SDC3: variants seen among roughly 807,000 people sequenced by gnomAD.
The protein encoded by SDC3 is syndecan-3.
A neutral mutation model predicts 24.4 loss-of-function variants in SDC3; 13 were observed. The observed-to-expected ratio is 0.53, with a 90% CI of 0.35 to 0.85. The LOEUF is 0.85. Ranked by LOEUF, SDC3 falls within the 40% of genes least tolerant of loss-of-function variation. SDC3 has a pLI of 0.01. For missense variants in SDC3, 571 were observed against 584.5 expected (o/e 0.98, Z 0.24); for synonymous variants, 295 against 260.9 (o/e 1.13, Z -1.26).
At chr1:30,891,469 C>A (rs902081042) in intron 1 of SDC3, among the ~76,000 whole-genome samples, 1 of 152,202 alleles carries the variant, frequency 6.6e-6, no homozygotes, top group African/African-American at 2.4e-5. Context: ...TGCTCGGTAG[C>A]CCCGTCTCTC....
In SDC3 at chr1:30,878,364, A is replaced by G. The variant is rs1000512180; in HGVS notation, c.256+259T>C. 1.2e-5 allele frequency: 5 copies of G among 406,638 alleles called. No homozygotes were observed. The South Asian group carries it at 2.0e-4, about 16-fold the overall frequency. The allele number at this position is 406,638 out of a possible 1,614,324, so 25.2% of individuals were successfully genotyped here. On this transcript the variant is annotated intron_variant, in intron 2 of 4. Transcript: ENST00000339394. ...GCAAGGTCTGCAGAGAAAGCCACAT[A>G]GCACACACAAAGATGCAGACGTGGG...
At chr1:30,907,447 G>A (rs561211146) in intron 1 of SDC3, among the ~76,000 whole-genome samples, 2 of 152,212 alleles carry the variant, frequency 1.3e-5, no homozygotes, top group South Asian at 2.1e-4. Context: ...AGGGGTCCTC[G>A]TCCTATGTCC....
At chr1:30,876,475 T>C in intron 3 of SDC3, 77 bp downstream of exon 3, 5 of 1,325,442 alleles carry the variant, frequency 3.8e-6, no homozygotes, top group Non-Finnish European at 5.1e-6. Flanking sequence ...CTCAGTCCTG[T>C]CCAGCCCCAT....
intron 1 of SDC3, among the ~76,000 whole-genome samples, chr1:30,883,774 GC>G (rs923831849): frequency 7.9e-5 from 12 of 152,082 alleles, no homozygotes; most frequent in African/African-American, 2.4e-4. Context: ...AAAGGAGGGG[GC>G]GGGGTTAGTC....
intron 1 of SDC3, among the ~76,000 whole-genome samples, chr1:30,908,175 G>A (rs1335635989): frequency 2.0e-5 from 3 of 151,710 alleles, no homozygotes; most frequent in Non-Finnish European, 4.4e-5. Flanking sequence ...GGTCCCAAAA[G>A]GAAGGAGAGA....
intron 1 of SDC3, among the ~76,000 whole-genome samples, chr1:30,888,231 C>T (rs1639859033): frequency 6.6e-6 from 1 of 152,176 alleles, no homozygotes; most frequent in African/African-American, 2.4e-5. Context: ...GCCGGAGAGT[C>T]AGGATGGGAT....
intron 1 of SDC3, among the ~76,000 whole-genome samples, chr1:30,888,649 G>GC (rs562388069): frequency 1.3e-3 from 204 of 152,328 alleles, no homozygotes; most frequent in African/African-American, 4.8e-3. Context: ...TCCTGAGGAG[G>GC]CGGGCTGTGG....
chr1:30,877,006 G>T lies in SDC3; in HGVS notation c.416C>A (p.Ala139Asp). The change falls in exon 3 of 5, where the codon GCC (alanine) becomes GAC (aspartate). Residue 139 changes from alanine (A) to aspartate (D), a missense_variant. Physicochemically the swap from Ala to Asp is moderately radical, Grantham distance 126. Around this residue, in one of 2 missense-constraint regions of SDC3, gnomAD observed 497 missense variants for 471.6 expected, o/e 1.05. Transcript: ENST00000339394. The stretch of plus-strand genomic sequence containing the variant: ...TTCTGTCACCACCAGGGGGCTGGTG[G>T]CTGGCTCCAGGGTGGGGCGCTCAGA... ...LPSERPTLEPATSPLVVTEVP... is the reference protein window; with the variant it reads ...LPSERPTLEPDTSPLVVTEVP... 1 of 1,613,730 alleles carries T rather than the reference G, an allele frequency of 6.2e-7. No individual in the cohort carries two copies. The highest frequency in any genetic ancestry group is 8.5e-7 in the Non-Finnish European group (1 of 1,179,900).
chr1:30,905,937 A>G (rs1249089104), intron 1 of SDC3, among the ~76,000 whole-genome samples: 1 of 146,206 alleles, frequency 6.8e-6, no homozygotes, highest in African/African-American at 2.5e-5. Context: ...TCTCCCTGCT[A>G]TCCCCATGCT....
In SDC3 at chr1:30,870,690, A is replaced by T. The variant is rs1414658388; in HGVS notation, c.*2521T>A. ...GCTAAGGACACAGAGAAGAGAAGCC[A>T]GTGCCTGGAGCCCAAGCCCCAAATC... On this transcript the variant is annotated 3_prime_UTR_variant, in exon 5 of 5. Coordinates refer to ENST00000339394, the MANE Select transcript of SDC3 (RefSeq NM_014654.4). The T allele has an allele frequency of 6.6e-6, 1 of 152,410 alleles. No individual in the cohort carries two copies. Among genetic ancestry groups the T allele is most frequent in the Non-Finnish European group, 1.5e-5 (1 of 68,190 alleles). The allele number at this position is 152,410 out of a possible 1,614,324, so 9.4% of individuals were successfully genotyped here. A position where few individuals can be genotyped will look rare whatever the true frequency, so the allele number is the denominator to read the frequency against.
At chr1:30,894,624 G>A (rs533942331) in intron 1 of SDC3, among the ~76,000 whole-genome samples, 1 of 39,556 alleles carries the variant, frequency 2.5e-5, no homozygotes, top group Non-Finnish European at 6.3e-5. Context: ...TGTGAGTGTG[G>A]GTGAGAGTGT....
chr1:30,909,540 T>C (rs1159295031), upstream of SDC3, among the ~76,000 whole-genome samples: 1 of 152,168 alleles, frequency 6.6e-6, no homozygotes, highest in Non-Finnish European at 1.5e-5. Flanking sequence ...GCTGGTGGTC[T>C]TTCTACCCTG....
intron 1 of SDC3, among the ~76,000 whole-genome samples, chr1:30,893,980 C>G (rs1639946559): frequency 6.6e-6 from 1 of 152,138 alleles, no homozygotes; most frequent in Non-Finnish European, 1.5e-5. Context: ...CCTCCACACA[C>G]ACACCACACA....
intron 1 of SDC3, among the ~76,000 whole-genome samples, chr1:30,900,022 T>C (rs544773525): frequency 6.6e-6 from 1 of 152,362 alleles, no homozygotes; most frequent in South Asian, 2.1e-4. Context: ...GAGTTTCTTA[T>C]GTCTTCCTTT....
intron 1 of SDC3, among the ~76,000 whole-genome samples, chr1:30,904,517 T>C (rs770647804): frequency 1.1e-4 from 16 of 152,012 alleles, no homozygotes; most frequent in Non-Finnish European, 2.2e-4. Context: ...CACTTTTTTT[T>C]CCAGCACAGC....
chr1:30,908,745 A>C lies in SDC3; in HGVS notation c.-159T>G, dbSNP rs1414373849. ...GCTCGGCCGCCCGGCTCCGCCTCGC[A>C]GCTCCGCGCCCACAGCGGCCGCGCC... On this transcript the variant is annotated 5_prime_UTR_variant, in exon 1 of 5. Transcript: ENST00000339394. 2 of 159,338 alleles carry C rather than the reference A, an allele frequency of 1.3e-5. No homozygotes were observed. Among genetic ancestry groups the C allele is most frequent in the Non-Finnish European group, 2.5e-5 (2 of 80,412 alleles). 9.9% of individuals were successfully genotyped at this position (159,338 alleles called of 1,614,324 possible).
In SDC3 at chr1:30,869,596, C is replaced by G. The variant is rs554240949; in HGVS notation, c.*3615G>C. ...AACCAGTTCCTTCACAAGGCTGGAA[C>G]AGGAGAGTACCCGCAGTGGGGCAGG... On this transcript the variant is annotated 3_prime_UTR_variant, in exon 5 of 5. Coordinates refer to ENST00000339394, the MANE Select transcript of SDC3 (RefSeq NM_014654.4). The G allele has an allele frequency of 2.5e-6, 1 of 394,586 alleles. No homozygotes were observed. Among genetic ancestry groups the G allele is most frequent in the Admixed American group, 4.5e-5 (1 of 22,254 alleles). The allele number at this position is 394,586 out of a possible 1,614,324, so 24.4% of individuals were successfully genotyped here.
At chr1:30,902,282 T>G (rs1159673663) in intron 1 of SDC3, among the ~76,000 whole-genome samples, 1 of 152,210 alleles carries the variant, frequency 6.6e-6, no homozygotes, top group Non-Finnish European at 1.5e-5. Context: ...CCCTCAGCCA[T>G]GGCCGCTCAG....
intron 1 of SDC3, among the ~76,000 whole-genome samples, chr1:30,907,796 G>C (rs767205859): frequency 2.6e-5 from 4 of 151,974 alleles, no homozygotes; most frequent in African/African-American, 9.7e-5. Flanking sequence ...CCCCCCTCAG[G>C]TCACCTTCAC....
Sources: allele counts gnomAD v4.1 joint callset (sites outside exome capture counted in the v4.1 genomes callset), GRCh38; gene constraint gnomAD v4.1.1; regional missense constraint gnomAD v4.1.1; transcripts MANE v1.5; gene names NCBI Gene and HGNC (gene_info 2026-07-23, HGNC 2026-07-21).